Variants in ARHGAP32 observed in about 807,000 individuals in gnomAD.
The protein encoded by ARHGAP32 is Rho GTPase activating protein 32.
ARHGAP32 carries 51 observed loss-of-function variants against 186.5 expected under a neutral mutation model. The observed-to-expected ratio is 0.27, with a 90% CI of 0.22 to 0.35. The LOEUF (loss-of-function observed/expected upper bound fraction) is 0.35, where lower values mean the gene tolerates loss of function less well. Ranked by LOEUF, ARHGAP32 falls within the 10% of genes least tolerant of loss-of-function variation. The pLI, the probability that ARHGAP32 is intolerant of heterozygous loss-of-function variation, is 1.00. For synonymous variants in ARHGAP32, 950 were observed against 964.3 expected (o/e 0.99, Z 0.27); for missense variants, 2,186 against 2,623.5 (o/e 0.83, Z 3.64).
chr11:129,153,267 C>A (rs1034814170), intron 2 of ARHGAP32, among the ~76,000 whole-genome samples: 1 of 152,200 alleles, frequency 6.6e-6, no homozygotes, highest in African/African-American at 2.4e-5. Flanking sequence ...ATCCCATGTT[C>A]GTGGATGGGT....
intron 2 of ARHGAP32, among the ~76,000 whole-genome samples, chr11:129,157,992 G>C (rs921372661): frequency 2.6e-5 from 4 of 152,090 alleles, no homozygotes; most frequent in African/African-American, 4.8e-5. Context: ...ATAAGCAAAG[G>C]AGAAATAAAA....
chr11:129,226,098 T>C (rs1944778223), intron 1 of ARHGAP32, among the ~76,000 whole-genome samples: 1 of 151,920 alleles, frequency 6.6e-6, no homozygotes, highest in South Asian at 2.1e-4. Context: ...GATTATCTAA[T>C]CCAAAAACAG....
At chr11:129,185,003 G>A (rs550296670) in intron 1 of ARHGAP32, among the ~76,000 whole-genome samples, 2 of 152,278 alleles carry the variant, frequency 1.3e-5, no homozygotes, top group South Asian at 4.1e-4. Flanking sequence ...CACTGTTGGT[G>A]GGACTGTAAA....
rs1939380010 is a variant in ARHGAP32, at chr11:129,037,204, A to G, written c.1045+3724T>C. Among the ~76,000 whole-genome samples, 6 of 152,344 alleles carry G rather than the reference A, an allele frequency of 3.9e-5. 1 individual carries two copies. In the South Asian group the frequency reaches 1.2e-3, roughly 32 times the overall value. On this transcript the variant is annotated intron_variant, in intron 11 of 22. Transcript: ENST00000682385. ...ACAAAATATTGAAATAAATTAAAGA[A>G]TGTCTAGACTGACTGGGCCTAGTGG... is the stretch of plus-strand genomic sequence containing the variant.
intron 2 of ARHGAP32, among the ~76,000 whole-genome samples, chr11:129,139,605 T>C (rs1943007187): frequency 6.6e-6 from 1 of 152,140 alleles, no homozygotes; most frequent in Non-Finnish European, 1.5e-5. Flanking sequence ...GTTCTCGTTA[T>C]AATGAGTAAG....
intron 2 of ARHGAP32, among the ~76,000 whole-genome samples, chr11:129,131,063 T>C (rs1470117685): frequency 6.6e-6 from 1 of 152,130 alleles, no homozygotes; most frequent in African/African-American, 2.4e-5. Flanking sequence ...TTATAGTACA[T>C]GAAAGAAGAC....
intron 5 of ARHGAP32, among the ~76,000 whole-genome samples, chr11:129,096,075 G>A (rs1201410738): frequency 6.6e-6 from 1 of 152,168 alleles, no homozygotes; most frequent in Non-Finnish European, 1.5e-5. Context: ...CTTTCCTGGA[G>A]GTAAGTTTAC....
intron 6 of ARHGAP32, among the ~76,000 whole-genome samples, chr11:129,076,586 AAAG>A (rs1208197405): frequency 6.6e-6 from 1 of 152,248 alleles, no homozygotes; most frequent in Non-Finnish European, 1.5e-5. Context: ...AACATGGGTA[AAAG>A]AAGAAATCTC....
At chr11:129,273,526 CTT>C (rs2135731023) in intron 1 of ARHGAP32, among the ~76,000 whole-genome samples, 1 of 152,312 alleles carries the variant, frequency 6.6e-6, no homozygotes, top group South Asian at 2.1e-4. Flanking sequence ...TCCAGGTCCT[CTT>C]GACTCCAGGT....
chr11:129,278,760 C>T (rs1945568319), intron 1 of ARHGAP32, among the ~76,000 whole-genome samples: 1 of 151,764 alleles, frequency 6.6e-6, no homozygotes, highest in Non-Finnish European at 1.5e-5. Flanking sequence ...GGGAAACGCT[C>T]CCGCGGCTCC....
intron 6 of ARHGAP32, among the ~76,000 whole-genome samples, chr11:129,075,537 T>C (rs898745058): frequency 6.6e-6 from 1 of 152,114 alleles, no homozygotes; most frequent in Non-Finnish European, 1.5e-5. Flanking sequence ...ACAGTTGTAA[T>C]TATTTAACAC....
chr11:129,213,077 AATATT>A (rs1375772137), intron 1 of ARHGAP32, among the ~76,000 whole-genome samples: 4 of 152,170 alleles, frequency 2.6e-5, no homozygotes, highest in Non-Finnish European at 5.9e-5. Context: ...TATCTTTCAT[AATATT>A]ATATTTCAAA....
chr11:129,149,944 AG>A (rs201021300), intron 2 of ARHGAP32, among the ~76,000 whole-genome samples: 3,067 of 152,222 alleles, frequency 0.02, 78 homozygotes, highest in Admixed American at 0.077. Flanking sequence ...GGTATCATAA[AG>A]AAAAAACAAT....
rs766918157 is a variant in ARHGAP32, at chr11:128,976,611, G to A, written c.2146C>T (p.Arg716Cys). ...LKGGRAEGTL[R>C]SAKSEESLTS... ...AGAGACTCCTCACTTTTAGCTGAAC[G>A]GAGGGTTCCTTCTGCCCTGCCACCT... The change falls in exon 20 of 23, where the codon CGT (arginine) becomes TGT (cysteine). Residue 716 changes from arginine to cysteine, a missense_variant. Around this residue, in one of 5 missense-constraint regions of ARHGAP32, gnomAD observed 263 missense variants for 323.5 expected, o/e 0.81. Coordinates refer to ENST00000682385, the MANE Select transcript of ARHGAP32 (RefSeq NM_001378024.1). 4 of 1,613,936 alleles carry A rather than the reference G, an allele frequency of 2.5e-6. No individual in the cohort carries two copies. The highest frequency in any genetic ancestry group is 1.1e-5 in the South Asian group (1 of 91,076).
At chr11:128,997,908 A>C (rs1283599012) in intron 12 of ARHGAP32, among the ~76,000 whole-genome samples, 1 of 152,090 alleles carries the variant, frequency 6.6e-6, no homozygotes, top group Non-Finnish European at 1.5e-5. Context: ...AAAACAAAAA[A>C]AATTGGAAGA....
At chr11:129,168,385 G>A (rs1383878415) in intron 1 of ARHGAP32, among the ~76,000 whole-genome samples, 1 of 152,190 alleles carries the variant, frequency 6.6e-6, no homozygotes, top group Non-Finnish European at 1.5e-5. Context: ...ATTACATCAG[G>A]CAAAGTAGAC....
chr11:129,044,723 T>A (rs917879114), intron 10 of ARHGAP32, among the ~76,000 whole-genome samples: 2 of 152,146 alleles, frequency 1.3e-5, no homozygotes, highest in Non-Finnish European at 2.9e-5. Context: ...AAGTCCAGAT[T>A]CTAAACTTGG....
intron 11 of ARHGAP32, among the ~76,000 whole-genome samples, chr11:129,035,888 C>G (rs1008309017): frequency 6.6e-6 from 1 of 152,084 alleles, no homozygotes; most frequent in Non-Finnish European, 1.5e-5. Context: ...CTCTGCAATG[C>G]TGCTCACAGA....
At chr11:129,001,248 A>C (rs1051384133) in intron 11 of ARHGAP32, among the ~76,000 whole-genome samples, 1 of 152,200 alleles carries the variant, frequency 6.6e-6, no homozygotes, top group Non-Finnish European at 1.5e-5. Context: ...TCCCACCAAC[A>C]GTGTAAAAGG....
Sources: allele counts gnomAD v4.1 joint callset (sites outside exome capture counted in the v4.1 genomes callset), GRCh38; gene constraint gnomAD v4.1.1; regional missense constraint gnomAD v4.1.1; transcripts MANE v1.5; gene names NCBI Gene and HGNC (gene_info 2026-07-23, HGNC 2026-07-21).